MXD1: variants seen among roughly 807,000 people sequenced by gnomAD.
MXD1 encodes the protein MAX dimerization protein 1, also known as MAX-binding protein.
A neutral mutation model predicts 25.7 loss-of-function variants in MXD1; 9 were observed. The ratio of observed to expected loss-of-function variants is 0.35; its 90% CI spans 0.21 to 0.61. MXD1 has a LOEUF of 0.61. Among genes scored for constraint, MXD1 ranks in the 20% least tolerant of loss-of-function variants. The probability of loss-of-function intolerance (pLI) is 0.75; values close to 1 mark genes in which losing one functional copy is unlikely to be tolerated. For synonymous variants in MXD1, 99 were observed against 113.9 expected (o/e 0.87, Z 0.83); for missense variants, 227 against 292.4 (o/e 0.78, Z 1.63).
At chr2:69,929,325 T>C (rs534117104) in intron 3 of MXD1, among the ~76,000 whole-genome samples, 7 of 152,356 alleles carry the variant, frequency 4.6e-5, no homozygotes, top group Non-Finnish European at 1.0e-4. Context: ...GGAAGAACTT[T>C]AAGGATAGTA....
chr2:69,916,032 A>T (rs945144522), intron 1 of MXD1, 89 bp from the exon 2 acceptor site: 83 of 739,934 alleles, frequency 1.1e-4, no homozygotes, highest in Non-Finnish European at 1.7e-4. Context: ...TCTTTTAAAG[A>T]TAAATAAAGG....
intron 3 of MXD1, among the ~76,000 whole-genome samples, chr2:69,931,657 T>C (rs368867546): frequency 1.3e-5 from 2 of 152,262 alleles, no homozygotes; most frequent in East Asian, 1.9e-4. Context: ...AAATTTGGGA[T>C]ACTTAAAACT....
chr2:69,925,463 C>T (rs1040000895), intron 3 of MXD1, among the ~76,000 whole-genome samples: 2 of 151,996 alleles, frequency 1.3e-5, no homozygotes, highest in Admixed American at 1.3e-4. Flanking sequence ...TTCAGAAAAG[C>T]ACAAAGAATA....
Position 69,941,238 on chromosome 2 carries a change from A to G in MXD1, c.*2954A>G, listed in dbSNP as rs1383606980. ...TACGCAGTCTAATTTAATTTCATGCAGTGGGAAAATATATATGTGTGCTTC... is the reference window on the plus strand; with the variant it reads ...TACGCAGTCTAATTTAATTTCATGCGGTGGGAAAATATATATGTGTGCTTC... On this transcript the variant is annotated 3_prime_UTR_variant, in exon 6 of 6. Coordinates refer to ENST00000264444, the MANE Select transcript of MXD1 (RefSeq NM_002357.4). 6.6e-6 allele frequency: 1 copy of G among 152,246 alleles called. No homozygotes were observed. The highest frequency in any genetic ancestry group is 1.5e-5 in the Non-Finnish European group (1 of 68,042). The allele number at this position is 152,246 out of a possible 1,614,324, so 9.4% of individuals were successfully genotyped here.
intron 2 of MXD1, among the ~76,000 whole-genome samples, chr2:69,918,215 A>G (rs891287977): frequency 6.6e-6 from 1 of 152,222 alleles, no homozygotes; most frequent in African/African-American, 2.4e-5. Context: ...GCTGGTTTAC[A>G]TAACCCTTGG....
intron 3 of MXD1, among the ~76,000 whole-genome samples, chr2:69,933,857 A>G (rs955895666): frequency 2.0e-5 from 3 of 152,208 alleles, no homozygotes; most frequent in Admixed American, 1.3e-4. Context: ...CCTATAAGGC[A>G]TTGCATTGTT....
At chr2:69,925,561 T>TA (rs778258400) in intron 3 of MXD1, among the ~76,000 whole-genome samples, 4 of 152,208 alleles carry the variant, frequency 2.6e-5, no homozygotes, top group Non-Finnish European at 5.9e-5. Context: ...TACTTTTTTT[T>TA]AACCAACATG....
In MXD1 at chr2:69,938,107, C is replaced by T. The variant is rs757212371; in HGVS notation, c.489C>T (p.Asp163=). 2.3e-5 allele frequency: 37 copies of T among 1,613,758 alleles called. No individual in the cohort carries two copies. Among genetic ancestry groups the T allele is most frequent in the East Asian group, 8.9e-5 (4 of 44,894 alleles). The change falls in exon 6 of 6, where the codon GAC becomes GAT. Residue 163 remains aspartate (D), a synonymous_variant. Coordinates refer to ENST00000264444, the MANE Select transcript of MXD1 (RefSeq NM_002357.4). ...TTGTCCTCCCTGCAGAAGAAATCGA[C>T]GTTGACGTGGAGAGCACGGACTATC... ...ERSDSDREEI[D]VDVESTDYLT... is the part of the protein sequence containing the mutation.
intron 2 of MXD1, among the ~76,000 whole-genome samples, chr2:69,919,436 C>G (rs1677019458): frequency 6.6e-6 from 1 of 152,258 alleles, no homozygotes; most frequent in African/African-American, 2.4e-5. Flanking sequence ...CCTCTACCTC[C>G]TGGGTTCAAG....
intron 2 of MXD1, among the ~76,000 whole-genome samples, chr2:69,919,431 A>G (rs1302165361): frequency 1.3e-5 from 2 of 151,878 alleles, no homozygotes; most frequent in African/African-American, 2.4e-5. Flanking sequence ...TACAACCTCT[A>G]CCTCCTGGGT....
At chr2:69,924,555 A>G (rs1573403055) in intron 3 of MXD1, among the ~76,000 whole-genome samples, 1 of 152,172 alleles carries the variant, frequency 6.6e-6, no homozygotes, top group Non-Finnish European at 1.5e-5. Context: ...CAGGGTTTGG[A>G]GGTCAGCTGA....
rs377227394 is a variant in MXD1 at position 69,915,307 on chromosome 2, C to T, written c.-24C>T. 17 of 1,307,430 alleles carry T rather than the reference C, an allele frequency of 1.3e-5. No individual in the cohort carries two copies. The highest frequency in any genetic ancestry group is 2.1e-4 in the Middle Eastern group (1 of 4,722). The allele number at this position is 1,307,430 out of a possible 1,614,324, so 81.0% of individuals were successfully genotyped here. A position where few individuals can be genotyped will look rare whatever the true frequency, so the allele number is the denominator to read the frequency against. The stretch of plus-strand genomic sequence containing the variant: ...GCCCGTGGGCAGTGGGGGTTGGTCC[C>T]GTGGCTCCGGCCCCCGGTGCAGAAT... On this transcript the variant is annotated 5_prime_UTR_variant, in exon 1 of 6. Coordinates refer to ENST00000264444, the MANE Select transcript of MXD1 (RefSeq NM_002357.4). The surrounding 1 kb of genome is among the most constrained non-coding windows in gnomAD (Gnocchi z 5.8).
Position 69,915,471 on chromosome 2 carries a change from C to T in MXD1, c.73+68C>T, listed in dbSNP as rs1676944375. On this transcript the variant is annotated intron_variant, in intron 1 of 5. Transcript: ENST00000264444. The surrounding 1 kb of genome is among the most constrained non-coding windows in gnomAD (Gnocchi z 5.8). The stretch of plus-strand genomic sequence containing the variant: ...GGTCCTGTGGGGCCGGCCTCAGGTC[C>T]GGGCGCCCAGCCGCTCCGGGGGTGG... 7 of 1,216,496 alleles carry T rather than the reference C, an allele frequency of 5.8e-6. No individual in the cohort carries two copies. Among genetic ancestry groups the T allele is most frequent in the Non-Finnish European group, 7.3e-6 (7 of 957,792 alleles). The allele number at this position is 1,216,496 out of a possible 1,614,324, so 75.4% of individuals were successfully genotyped here. A position where few individuals can be genotyped will look rare whatever the true frequency, so the allele number is the denominator to read the frequency against.
chr2:69,919,988 T>A (rs765800103), intron 2 of MXD1, among the ~76,000 whole-genome samples: 18 of 24,322 alleles, frequency 7.4e-4, no homozygotes, highest in African/African-American at 2.4e-3. Context: ...TTTAAAGTTT[T>A]GTTTTGTTTT....
Position 69,939,534 on chromosome 2 carries a change from ATAAAC to A in MXD1, c.*1254_*1258del, listed in dbSNP as rs1186326092. 1.3e-5 allele frequency: 2 copies of A among 152,668 alleles called. No homozygotes were observed. Among genetic ancestry groups the A allele is most frequent in the Non-Finnish European group, 2.9e-5 (2 of 68,042 alleles). 9.5% of individuals were successfully genotyped at this position (152,668 alleles called of 1,614,324 possible). A position where few individuals can be genotyped will look rare whatever the true frequency, so the allele number is the denominator to read the frequency against. ...TATAAATACTATTTATTCATTTTAT[ATAAAC>A]TAATGTAATGGAAAACAAATTCTTA... is the stretch of plus-strand genomic sequence containing the variant. On this transcript the variant is annotated 3_prime_UTR_variant, in exon 6 of 6. Transcript: ENST00000264444.
At position 69,942,311 on chromosome 2, in the gene MXD1, T is replaced by C. The variant is rs1329370736; in HGVS notation, c.*4027T>C. On this transcript the variant is annotated 3_prime_UTR_variant, in exon 6 of 6. Coordinates refer to ENST00000264444, the MANE Select transcript of MXD1 (RefSeq NM_002357.4). ...CTATAGACTGTAGGATGCTTTGCTT[T>C]CAAAGATAACTGGGTTAGAGGGTGG... is the stretch of plus-strand genomic sequence containing the variant. 1 of 152,204 alleles carries C rather than the reference T, an allele frequency of 6.6e-6. No homozygotes were observed. 9.4% of individuals were successfully genotyped at this position (152,204 alleles called of 1,614,324 possible).
At chr2:69,921,585 AT>A (rs1573401017) in intron 2 of MXD1, 150 bp from the exon 3 acceptor site, 16 of 552,914 alleles carry the variant, frequency 2.9e-5, no homozygotes, top group East Asian at 2.1e-4. Context: ...AAATGGACTA[AT>A]TTTTTTAGTA....
chr2:69,937,419 T>C (rs1677477931), intron 5 of MXD1, 25 bp downstream of exon 5: 5 of 1,572,008 alleles, frequency 3.2e-6, no homozygotes, highest in Non-Finnish European at 4.3e-6. Context: ...CTCTCCTCCC[T>C]GTCTCCCTTG....
chr2:69,931,249 CTATCAAATACTAGGTGT>C (rs1677275321), intron 3 of MXD1, among the ~76,000 whole-genome samples: 1 of 152,080 alleles, frequency 6.6e-6, no homozygotes, highest in Non-Finnish European at 1.5e-5. Context: ...CCCTGTTGTG[CTATCAAATACTAGGTGT>C]TATCCATTCT....
Sources: allele counts gnomAD v4.1 joint callset (sites outside exome capture counted in the v4.1 genomes callset), GRCh38; gene constraint gnomAD v4.1.1; non-coding constraint Gnocchi (gnomAD v3.1); transcripts MANE v1.5; gene names NCBI Gene and HGNC (gene_info 2026-07-23, HGNC 2026-07-21).